The following RNF216 variants were observed in gnomAD, a reference collection of about 807,000 sequenced individuals.
RNF216 encodes the protein ring finger protein 216.
RNF216 carries 72 observed loss-of-function variants against 110.8 expected under a neutral mutation model. That is an observed-to-expected ratio of 0.65 (90% confidence interval 0.54 to 0.79). RNF216 has a LOEUF of 0.79. Among genes scored for constraint, RNF216 ranks in the 30% least tolerant of loss-of-function variants. The pLI is 0.00. For synonymous variants in RNF216, 495 were observed against 407.5 expected (o/e 1.21, Z -2.59); for missense variants, 1,342 against 1,141.2 (o/e 1.18, Z -2.54).
chr7:5,636,001 C>G (rs1787375649), intron 15 of RNF216, among the ~76,000 whole-genome samples: 1 of 152,134 alleles, frequency 6.6e-6, no homozygotes, highest in South Asian at 2.1e-4. Flanking sequence ...TAGCCAAAAC[C>G]CAAGACAAAC....
At chr7:5,775,436 G>A (rs919030839) in intron 1 of RNF216, among the ~76,000 whole-genome samples, 1 of 152,000 alleles carries the variant, frequency 6.6e-6, no homozygotes, top group African/African-American at 2.4e-5. Context: ...AACTACTACT[G>A]TATGATCCTA....
At chr7:5,768,597 A>G (rs1324784747) in intron 1 of RNF216, among the ~76,000 whole-genome samples, 1 of 151,936 alleles carries the variant, frequency 6.6e-6, no homozygotes, top group Non-Finnish European at 1.5e-5. Flanking sequence ...ATCACACAGC[A>G]TGTTCTCTGA....
At chr7:5,768,574 T>C (rs560865034) in intron 1 of RNF216, among the ~76,000 whole-genome samples, 4 of 152,202 alleles carry the variant, frequency 2.6e-5, no homozygotes, top group African/African-American at 9.6e-5. Flanking sequence ...GTAACAAATT[T>C]TGAAGGCTTG....
At chr7:5,650,624 C>G (rs907231782) in intron 14 of RNF216, among the ~76,000 whole-genome samples, 1 of 152,148 alleles carries the variant, frequency 6.6e-6, no homozygotes, top group Non-Finnish European at 1.5e-5. Context: ...CTACAGGCTA[C>G]CTCAATCCTT....
At chr7:5,777,858 T>C (rs1796869469) in intron 1 of RNF216, among the ~76,000 whole-genome samples, 1 of 152,222 alleles carries the variant, frequency 6.6e-6, no homozygotes, top group Non-Finnish European at 1.5e-5. Flanking sequence ...GTGGGCGGGC[T>C]AAACAATTTA....
chr7:5,715,556 A>C (rs967993544), intron 10 of RNF216, among the ~76,000 whole-genome samples: 1 of 151,414 alleles, frequency 6.6e-6, no homozygotes, highest in African/African-American at 2.4e-5. Flanking sequence ...GATGTTACCC[A>C]AAAAACTTTC....
At chr7:5,744,176 G>T (rs1003390577) in intron 3 of RNF216, among the ~76,000 whole-genome samples, 2 of 152,054 alleles carry the variant, frequency 1.3e-5, no homozygotes, top group African/African-American at 4.8e-5. Context: ...AGAAGAAGAA[G>T]AATCGAACGC....
intron 2 of RNF216, among the ~76,000 whole-genome samples, chr7:5,754,447 G>A (rs1795507870): frequency 6.6e-6 from 1 of 151,996 alleles, no homozygotes; most frequent in Non-Finnish European, 1.5e-5. Context: ...TGACAGGCAT[G>A]AGCCACCATG....
intron 16 of RNF216, among the ~76,000 whole-genome samples, chr7:5,623,492 G>A (rs1786519320): frequency 6.6e-6 from 1 of 150,956 alleles, no homozygotes; most frequent in Non-Finnish European, 1.5e-5. Flanking sequence ...AATAGATGGG[G>A]TTTTGCCATG....
Position 5,649,108 on chromosome 7 carries a change from G to A in RNF216, c.2159+3305C>T, listed in dbSNP as rs567878802. 1.2e-4 allele frequency among the ~76,000 whole-genome samples: 18 copies of A among 152,296 alleles called. No homozygotes were observed. In the East Asian group the frequency reaches 2.7e-3, roughly 23 times the overall value. Reference sequence around the variant, plus strand: ...ACAAGAAAGTGACGGCCGGGCGGGCGCGGTGGCTCACGCCTGTAATCCCAG... The same window carrying A: ...ACAAGAAAGTGACGGCCGGGCGGGCACGGTGGCTCACGCCTGTAATCCCAG... On this transcript the variant is annotated intron_variant, in intron 14 of 16. Coordinates refer to ENST00000389902, the MANE Select transcript of RNF216 (RefSeq NM_207111.4).
Position 5,730,754 on chromosome 7 carries a change from A to G in RNF216, c.1185T>C (p.Asn395=), listed in dbSNP as rs201399848. The G allele has an allele frequency of 5.6e-6, 9 of 1,610,960 alleles. No homozygotes were observed. Among genetic ancestry groups the G allele is most frequent in the South Asian group, 5.5e-5 (5 of 90,902 alleles). Residue 395 remains asparagine, a synonymous_variant, in exon 6 of 17, where the codon AAT becomes AAC. Coordinates refer to ENST00000389902, the MANE Select transcript of RNF216 (RefSeq NM_207111.4). ...GGCTGGCCAGCAGACTGCTACTGGG[A>G]TTTATAATGATTCTGTCTTCTCTCT... ...YPKREDRIII[N]PSSSLLASQD...
At chr7:5,668,002 A>G (rs948324312) in intron 13 of RNF216, among the ~76,000 whole-genome samples, 28 of 152,134 alleles carry the variant, frequency 1.8e-4, no homozygotes, top group Non-Finnish European at 4.1e-4. Context: ...TCGCGTTGGT[A>G]TTTTAGGGCG....
intron 13 of RNF216, among the ~76,000 whole-genome samples, chr7:5,688,970 TAAAGG>T (rs1247787272): frequency 6.6e-6 from 1 of 152,194 alleles, no homozygotes; most frequent in Non-Finnish European, 1.5e-5. Flanking sequence ...CAAAACTAGG[TAAAGG>T]AAATACTCCT....
chr7:5,640,843 T>TAA (rs1475914488), intron 15 of RNF216, among the ~76,000 whole-genome samples: 6 of 152,248 alleles, frequency 3.9e-5, no homozygotes, highest in African/African-American at 1.4e-4. Context: ...GAATCAGCGT[T>TAA]ATGCTGGCTT....
chr7:5,766,530 A>G (rs76094431), intron 1 of RNF216, among the ~76,000 whole-genome samples: 2,716 of 151,928 alleles, frequency 0.018, 71 homozygotes, highest in African/African-American at 0.061. Flanking sequence ...TTTTCTCTCC[A>G]TCATGTGAGA....
intron 2 of RNF216, among the ~76,000 whole-genome samples, chr7:5,755,507 C>T (rs1329760377): frequency 6.6e-6 from 1 of 152,176 alleles, no homozygotes; most frequent in Admixed American, 6.5e-5. Context: ...GTGCTTTCTC[C>T]CAATTTCTGC....
chr7:5,748,133 A>G (rs1252877483), intron 3 of RNF216, among the ~76,000 whole-genome samples: 1 of 152,112 alleles, frequency 6.6e-6, no homozygotes, highest in Non-Finnish European at 1.5e-5. Flanking sequence ...ACCCACTACA[A>G]CTCTTAACAC....
At chr7:5,712,501 G>T (rs906280981) in intron 12 of RNF216, among the ~76,000 whole-genome samples, 2 of 151,866 alleles carry the variant, frequency 1.3e-5, no homozygotes, top group African/African-American at 2.4e-5. Context: ...TTGAGGGGCA[G>T]ATTTTTCCAT....
intron 1 of RNF216, chr7:5,774,873 T>C (rs1796691080): frequency 6.6e-6 from 1 of 152,124 alleles, no homozygotes; most frequent in South Asian, 2.1e-4. Flanking sequence ...TTCTCCTGTC[T>C]CAGCCTCCCA....
Sources: gnomAD v4.1 joint callset for allele counts (sites outside exome capture counted in the v4.1 genomes callset) on GRCh38, gnomAD v4.1.1 for gene constraint, MANE v1.5 for transcripts, NCBI Gene and HGNC (gene_info 2026-07-23, HGNC 2026-07-21) for gene names.